The following LANCL1 variants were observed in gnomAD, a reference collection of about 807,000 sequenced individuals.
The protein encoded by LANCL1 is glutathione S-transferase LANCL1.
LANCL1 carries 50 observed loss-of-function variants against 50.6 expected under a neutral mutation model. That is an observed-to-expected ratio of 0.99 (90% CI 0.79 to 1.25). LANCL1 has a LOEUF of 1.25. Among genes scored for constraint, LANCL1 ranks in the 50% most tolerant of loss-of-function variants. LANCL1 has a pLI of 0.00. For missense variants in LANCL1, 532 were observed against 480.7 expected, an observed-to-expected ratio of 1.11 and a Z score of -1.00; for synonymous variants, 188 against 178.6, an observed-to-expected ratio of 1.05 and a Z score of -0.42.
chr2:210,449,073 C>T (rs1157899107), intron 4 of LANCL1, among the ~76,000 whole-genome samples: 1 of 152,168 alleles, frequency 6.6e-6, no homozygotes, highest in African/African-American at 2.4e-5. Context: ...AGGCCAATAT[C>T]CCTGAAAAAC....
chr2:210,434,656 A>T, intron 9 of LANCL1, 93 bp from the exon 10 acceptor site: 1 of 1,011,588 alleles, frequency 9.9e-7, no homozygotes, highest in Non-Finnish European at 1.5e-6. Flanking sequence ...TGACAAAAAA[A>T]GTCACAGCAT....
intron 3 of LANCL1, among the ~76,000 whole-genome samples, chr2:210,458,539 G>A (rs1217848906): frequency 6.6e-6 from 1 of 152,168 alleles, no homozygotes; most frequent in East Asian, 1.9e-4. Context: ...GAGTAGGAGC[G>A]AGACACAGGG....
chr2:210,437,655 T>C lies in LANCL1; in HGVS notation c.873+35A>G, dbSNP rs1214736569. 4 of 1,376,472 alleles carry C rather than the reference T, an allele frequency of 2.9e-6. No individual in the cohort carries two copies. The South Asian group carries it at 5.5e-5, about 19-fold the overall frequency. 85.3% of individuals were successfully genotyped at this position (1,376,472 alleles called of 1,614,324 possible). A position where few individuals can be genotyped will look rare whatever the true frequency, so the allele number is the denominator to read the frequency against. On this transcript the variant is annotated intron_variant, in intron 7 of 9. Transcript: ENST00000450366. ...ATTTTAAATTATAAATTTTTGGTTA[T>C]TTAAAAAAATTTATTTCAAAAATAC...
At chr2:210,468,918 T>C (rs540117537) in intron 3 of LANCL1, 1 of 152,364 alleles carries the variant, frequency 6.6e-6, no homozygotes, top group East Asian at 1.9e-4. Context: ...TATAGATAAC[T>C]GAACCTAATC....
chr2:210,456,743 C>T (rs1333752555), intron 3 of LANCL1, among the ~76,000 whole-genome samples: 1 of 152,154 alleles, frequency 6.6e-6, no homozygotes, highest in Non-Finnish European at 1.5e-5. Flanking sequence ...TGCCTGAACT[C>T]TCCTAGTTAA....
At position 210,441,320 on chromosome 2, in the gene LANCL1, G is replaced by A. The variant is rs753867692; in HGVS notation, c.531C>T (p.Ser177=). 6 of 1,612,408 alleles carry A rather than the reference G, an allele frequency of 3.7e-6. No individual in the cohort carries two copies. The highest frequency in any genetic ancestry group is 2.2e-5 in the South Asian group (2 of 90,822). ...KNFGVEKIPQ[S]HIQQICETIL... Reference sequence around the variant, plus strand: ...AAAAACGTGGTACCTGCTGAATATGGCTTTGAGGAATCTTTTCCACTCCAA... The same window carrying A: ...AAAAACGTGGTACCTGCTGAATATGACTTTGAGGAATCTTTTCCACTCCAA... The change falls in exon 5 of 10, where the codon AGC becomes AGT. Residue 177 remains serine (S), a synonymous_variant. Coordinates refer to ENST00000450366, the MANE Select transcript of LANCL1 (RefSeq NM_006055.3).
At position 210,440,699 on chromosome 2, in the gene LANCL1, T is replaced by C; in HGVS notation, c.589A>G (p.Arg197Gly). 3.7e-6 allele frequency: 6 copies of C among 1,614,056 alleles called. No individual in the cohort carries two copies. The highest frequency in any genetic ancestry group is 5.1e-6 in the Non-Finnish European group (6 of 1,179,940). ...LTSGENLARK[R>G]NFTAKSPLMY... Reference sequence around the variant, plus strand: ...AGTGGAGACTTTGCCGTGAAGTTTCTCTTCCTAGCTAGGTTTTCTCCAGAG... The same window carrying C: ...AGTGGAGACTTTGCCGTGAAGTTTCCCTTCCTAGCTAGGTTTTCTCCAGAG... Residue 197 changes from arginine to glycine, a missense_variant, in exon 6 of 10, where the codon AGA (arginine) becomes GGA (glycine). By Grantham distance (125) the Arg-to-Gly change is moderately radical. Coordinates refer to ENST00000450366, the MANE Select transcript of LANCL1 (RefSeq NM_006055.3).
intron 4 of LANCL1, among the ~76,000 whole-genome samples, chr2:210,447,709 G>A (rs1034416438): frequency 3.3e-5 from 5 of 152,074 alleles, no homozygotes; most frequent in Non-Finnish European, 1.5e-5. Context: ...TGCAATCCTA[G>A]TCTCTGATAA....
intron 3 of LANCL1, among the ~76,000 whole-genome samples, chr2:210,455,987 A>G (rs374434650): frequency 6.7e-4 from 102 of 152,206 alleles, no homozygotes; most frequent in African/African-American, 2.3e-3. Flanking sequence ...AAAGCCACCA[A>G]TGACTTTTGC....
At chr2:210,453,828 A>G (rs1693580410) in intron 4 of LANCL1, among the ~76,000 whole-genome samples, 1 of 152,170 alleles carries the variant, frequency 6.6e-6, no homozygotes, top group Non-Finnish European at 1.5e-5. Flanking sequence ...TATGGAAGGA[A>G]CACACTTTAA....
In LANCL1 at chr2:210,461,748, A is replaced by ATT. The variant is rs55934873; in HGVS notation, c.200-6436_200-6435dup. On this transcript the variant is annotated intron_variant, in intron 3 of 9. Coordinates refer to ENST00000450366, the MANE Select transcript of LANCL1 (RefSeq NM_006055.3). ...CAGAAGTCCCTAGAGTCCTGTATGT[A>ATT]TTTTTTTTTTTAAGTGTGAGCTGAT... 5.7e-4 allele frequency among the ~76,000 whole-genome samples: 82 copies of ATT among 145,128 alleles called. No individual in the cohort carries two copies. In the East Asian group the frequency reaches 6.7e-3, roughly 12 times the overall value.
In LANCL1 at chr2:210,455,317, GA is replaced by G. The variant is rs59908560; in HGVS notation, c.200-4del. ...ATGTAAGTAAAGCACAGCAATACCT[GA>G]AAAAAAAAAAAGGAAACAATGTAAA... On this transcript the variant is annotated splice_region_variant and splice_polypyrimidine_tract_variant and intron_variant, in intron 3 of 9. Transcript: ENST00000450366. The G allele has an allele frequency of 2.0e-3, 2,870 of 1,414,156 alleles. No homozygotes were observed. Among genetic ancestry groups the G allele is most frequent in the Middle Eastern group, 3.1e-3 (14 of 4,458 alleles). The allele number at this position is 1,414,156 out of a possible 1,614,324, so 87.6% of individuals were successfully genotyped here. A position where few individuals can be genotyped will look rare whatever the true frequency, so the allele number is the denominator to read the frequency against.
intron 9 of LANCL1, 34 bp from the exon 10 acceptor site, chr2:210,434,597 C>T (rs777117031): frequency 1.3e-6 from 2 of 1,488,136 alleles, no homozygotes; most frequent in South Asian, 2.3e-5. Context: ...AGTTATTATA[C>T]CAAATGACTC....
intron 3 of LANCL1, among the ~76,000 whole-genome samples, chr2:210,465,754 C>T (rs1472277248): frequency 6.6e-6 from 1 of 152,150 alleles, no homozygotes; most frequent in Non-Finnish European, 1.5e-5. Context: ...ACAGAAGCAG[C>T]AGCTTTTGCC....
chr2:210,441,359 A>C lies in LANCL1; in HGVS notation c.492T>G (p.Phe164Leu), dbSNP rs143543405. Residue 164 changes from phenylalanine (F) to leucine (L), a missense_variant, in exon 5 of 10, where the codon TTT (phenylalanine) becomes TTG (leucine). Phe to Leu is a conservative substitution (Grantham distance 22). Transcript: ENST00000450366. ...GRIGYIYALLFVNKNFGVEKI... is the reference protein window; with the variant it reads ...GRIGYIYALLLVNKNFGVEKI... Reference sequence around the variant, plus strand: ...TTTCCACTCCAAAGTTCTTATTGACAAAAAGAAGAGCATAGATGTAGCCTA... The same window carrying C: ...TTTCCACTCCAAAGTTCTTATTGACCAAAAGAAGAGCATAGATGTAGCCTA... 3.9e-4 allele frequency: 626 copies of C among 1,613,674 alleles called. No individual in the cohort carries two copies. Among genetic ancestry groups the C allele is most frequent in the Middle Eastern group, 1.2e-3 (7 of 6,056 alleles).
intron 6 of LANCL1, among the ~76,000 whole-genome samples, 159 bp downstream of exon 6, chr2:210,440,439 C>T (rs1445895690): frequency 2.0e-5 from 3 of 152,192 alleles, no homozygotes; most frequent in Non-Finnish European, 2.9e-5. Context: ...CCTTCGTAAA[C>T]ATTACTTTTG....
chr2:210,435,075 C>G (rs1456808569), intron 9 of LANCL1, among the ~76,000 whole-genome samples: 2 of 152,016 alleles, frequency 1.3e-5, no homozygotes, highest in Non-Finnish European at 2.9e-5. Flanking sequence ...AGCTCCTGAG[C>G]CTCAGTCTCC....
In LANCL1 at chr2:210,432,631, G is replaced by A. The variant is rs1044710; in HGVS notation, c.*1856C>T. 37,066 of 152,052 alleles carry A rather than the reference G, an allele frequency of 0.24. 6,494 individuals carry two copies. Among genetic ancestry groups the A allele is most frequent in the East Asian group, 0.59 (3,048 of 5,160 alleles). 9.4% of individuals were successfully genotyped at this position (152,052 alleles called of 1,614,324 possible). ...TGTTATTTTTCCCTTGCTTAGTAACGCAGCTAAAAGCATAGGCACAGTAGA... is the reference window on the plus strand; with the variant it reads ...TGTTATTTTTCCCTTGCTTAGTAACACAGCTAAAAGCATAGGCACAGTAGA... On this transcript the variant is annotated 3_prime_UTR_variant, in exon 10 of 10. Coordinates refer to ENST00000450366, the MANE Select transcript of LANCL1 (RefSeq NM_006055.3).
rs1694396663 is a variant in LANCL1, at chr2:210,476,746, A to C, written c.-143T>G. On this transcript the variant is annotated 5_prime_UTR_variant, in exon 1 of 10. Transcript: ENST00000450366. ...CCCCGCAGCCCCGGACAGTAACAGA[A>C]GGGCTATTTTACCGCCCAGTTCCTG... 3.0e-5 allele frequency: 32 copies of C among 1,058,640 alleles called. No individual in the cohort carries two copies. The South Asian group carries it at 1.1e-3, about 36-fold the overall frequency. 65.6% of individuals were successfully genotyped at this position (1,058,640 alleles called of 1,614,324 possible).
Sources: allele counts gnomAD v4.1 joint callset (sites outside exome capture counted in the v4.1 genomes callset), GRCh38; gene constraint gnomAD v4.1.1; transcripts MANE v1.5; gene names NCBI Gene and HGNC (gene_info 2026-07-23, HGNC 2026-07-21).